STK4: variants seen among roughly 807,000 people sequenced by gnomAD.
The protein encoded by STK4 is serine/threonine kinase 4, also known as serine/threonine-protein kinase 4.
Under a neutral mutation model 64.9 loss-of-function variants are expected in STK4, and 30 were observed. The ratio of observed to expected loss-of-function variants is 0.46; its 90% CI spans 0.35 to 0.63. The LOEUF (loss-of-function observed/expected upper bound fraction) is 0.63. Ranked by LOEUF, STK4 falls within the 20% of genes least tolerant of loss-of-function variation. STK4 has a pLI of 0.01. For missense variants in STK4, 466 were observed against 598.5 expected (o/e 0.78, Z 2.31); for synonymous variants, 177 against 199.0 (o/e 0.89, Z 0.93).
At chr20:44,991,256 TGGGTGC>T (rs2067628439) in intron 5 of STK4, among the ~76,000 whole-genome samples, 1 of 152,228 alleles carries the variant, frequency 6.6e-6, no homozygotes, top group African/African-American at 2.4e-5. Context: ...AGTTGGATGT[TGGGTGC>T]CCATTAAGGT....
At chr20:45,046,446 G>GA (rs113468179) in intron 10 of STK4, among the ~76,000 whole-genome samples, 113 of 113,608 alleles carry the variant, frequency 9.9e-4, no homozygotes, top group South Asian at 2.0e-3. Flanking sequence ...AAACTAAAAG[G>GA]AAAAAAAAAA....
chr20:45,047,796 G>A (rs1335334308), intron 10 of STK4, among the ~76,000 whole-genome samples: 3 of 152,126 alleles, frequency 2.0e-5, no homozygotes, highest in Admixed American at 6.6e-5. Flanking sequence ...TAGAGTGATG[G>A]CTTATTTATA....
intron 10 of STK4, among the ~76,000 whole-genome samples, chr20:45,037,320 A>G (rs2068542972): frequency 6.6e-6 from 1 of 152,142 alleles, no homozygotes; most frequent in African/African-American, 2.4e-5. Flanking sequence ...AAGGGGAGGA[A>G]GGGAGCGAAG....
intron 7 of STK4, among the ~76,000 whole-genome samples, chr20:44,998,955 C>T (rs1374892172): frequency 6.6e-6 from 1 of 151,896 alleles, no homozygotes; most frequent in Non-Finnish European, 1.5e-5. Flanking sequence ...TGCCTGTAAT[C>T]CCAGCAGGAG....
At chr20:45,074,762 T>C (rs1197560447) in intron 10 of STK4, among the ~76,000 whole-genome samples, 1 of 152,178 alleles carries the variant, frequency 6.6e-6, no homozygotes, top group Non-Finnish European at 1.5e-5. Flanking sequence ...ACTAAGTTCT[T>C]GGTCAAGGCA....
intron 5 of STK4, among the ~76,000 whole-genome samples, chr20:44,988,103 CTCTCCAAAAGGT>C (rs2067562936): frequency 6.6e-6 from 1 of 151,784 alleles, no homozygotes; most frequent in African/African-American, 2.4e-5. Flanking sequence ...GATTTGTGGG[CTCTCCAAAAGGT>C]TTTGTTGTTA....
At chr20:44,988,515 G>GTA (rs2067571426) in intron 5 of STK4, among the ~76,000 whole-genome samples, 3 of 122,602 alleles carry the variant, frequency 2.4e-5, no homozygotes, top group African/African-American at 3.4e-5. Context: ...ATGTGTGTGT[G>GTA]TATATATATG....
intron 1 of STK4, among the ~76,000 whole-genome samples, chr20:44,968,710 T>C (rs1327605726): frequency 6.6e-6 from 1 of 152,252 alleles, no homozygotes; most frequent in Non-Finnish European, 1.5e-5. Context: ...TTTCTTGGCA[T>C]GCTCATTCCT....
chr20:45,055,755 C>T (rs574200490), intron 10 of STK4, among the ~76,000 whole-genome samples: 39 of 150,914 alleles, frequency 2.6e-4, no homozygotes, highest in South Asian at 1.9e-3. Flanking sequence ...TTCCCCGAGA[C>T]GGAGTCTTGC....
intron 10 of STK4, among the ~76,000 whole-genome samples, chr20:45,065,579 A>C (rs547498013): frequency 2.6e-4 from 39 of 152,070 alleles, no homozygotes; most frequent in Non-Finnish European, 4.4e-4. Context: ...TCTTCCTTAT[A>C]CATCTGATAG....
chr20:45,001,134 T>C (rs377182915), intron 8 of STK4, 33 bp from the exon 9 acceptor site: 15 of 1,583,594 alleles, frequency 9.5e-6, no homozygotes, highest in Non-Finnish European at 1.3e-5. Context: ...TTTTGTCAAA[T>C]TAGCCCCAAT....
chr20:45,027,369 G>A (rs1019980920), intron 10 of STK4, among the ~76,000 whole-genome samples: 3 of 148,804 alleles, frequency 2.0e-5, no homozygotes, highest in Non-Finnish European at 3.0e-5. Context: ...GGTGGAGGTT[G>A]TGGTGAGCCG....
At chr20:44,978,107 T>C (rs944103583) in intron 2 of STK4, among the ~76,000 whole-genome samples, 58 of 152,240 alleles carry the variant, frequency 3.8e-4, no homozygotes, top group African/African-American at 1.4e-3. Context: ...AAAATAGGGA[T>C]AGTCATCTCA....
intron 4 of STK4, among the ~76,000 whole-genome samples, chr20:44,986,515 T>C (rs1370869340): frequency 6.9e-6 from 1 of 144,868 alleles, no homozygotes; most frequent in Admixed American, 6.7e-5. Flanking sequence ...GGACTGACTT[T>C]TATTTTAAGT....
intron 9 of STK4, among the ~76,000 whole-genome samples, chr20:45,005,062 C>T (rs971225876): frequency 2.6e-5 from 4 of 152,006 alleles, no homozygotes; most frequent in Non-Finnish European, 5.9e-5. Flanking sequence ...TGAGCCACCG[C>T]GCCCAGCCTC....
intron 9 of STK4, among the ~76,000 whole-genome samples, chr20:45,020,456 G>A (rs1035499460): frequency 7.7e-6 from 1 of 129,902 alleles, no homozygotes; most frequent in Non-Finnish European, 1.6e-5. Context: ...GTGTGTGTGT[G>A]TGTGTGTGTG....
At chr20:45,037,683 A>G (rs2068549264) in intron 10 of STK4, among the ~76,000 whole-genome samples, 1 of 152,162 alleles carries the variant, frequency 6.6e-6, no homozygotes, top group South Asian at 2.1e-4. Flanking sequence ...CTATGATTCC[A>G]TGAAACTTTA....
At chr20:45,019,320 T>G (rs1489592800) in intron 9 of STK4, among the ~76,000 whole-genome samples, 1 of 152,174 alleles carries the variant, frequency 6.6e-6, no homozygotes, top group Non-Finnish European at 1.5e-5. Context: ...GAGAATGGCG[T>G]CTTTCATTTT....
chr20:45,019,465 A>G (rs1020192603), intron 9 of STK4, among the ~76,000 whole-genome samples: 1 of 152,156 alleles, frequency 6.6e-6, no homozygotes, highest in African/African-American at 2.4e-5. Context: ...TGGGTTGTTG[A>G]TTCCTTCTGC....
Sources: allele counts gnomAD v4.1 joint callset (sites outside exome capture counted in the v4.1 genomes callset), GRCh38; gene constraint gnomAD v4.1.1; transcripts MANE v1.5; gene names NCBI Gene and HGNC (gene_info 2026-07-23, HGNC 2026-07-21).